The following KCNT2 variants were observed in gnomAD, a reference collection of about 807,000 sequenced individuals.
The protein encoded by KCNT2 is potassium sodium-activated channel subfamily T member 2, also known as potassium channel subfamily T member 2.
In KCNT2, 67 loss-of-function variants were observed where a neutral mutation model predicts 153.8. The ratio of observed to expected loss-of-function variants is 0.44; its 90% CI spans 0.36 to 0.53. The LOEUF (loss-of-function observed/expected upper bound fraction) is 0.53. Ranked by LOEUF, KCNT2 falls within the 20% of genes least tolerant of loss-of-function variation. The probability of loss-of-function intolerance (pLI) is 0.00; values close to 1 mark genes in which losing one functional copy is unlikely to be tolerated. For synonymous variants in KCNT2, 500 were observed against 458.8 expected (o/e 1.09, Z -1.15); for missense variants, 975 against 1,354.8 (o/e 0.72, Z 4.40).
intron 1 of KCNT2, among the ~76,000 whole-genome samples, chr1:196,578,554 C>A (rs1259444387): frequency 6.6e-6 from 1 of 152,130 alleles, no homozygotes; most frequent in Middle Eastern, 3.2e-3. Context: ...GGAGTTGGCA[C>A]TTCCGCTTAT....
intron 5 of KCNT2, among the ~76,000 whole-genome samples, chr1:196,469,347 G>C (rs1677886141): frequency 6.6e-6 from 1 of 152,034 alleles, no homozygotes; most frequent in South Asian, 2.1e-4. Flanking sequence ...TGGAAGAAAA[G>C]TACTAGTAAA....
chr1:196,347,423 C>T (rs564421974), intron 14 of KCNT2, among the ~76,000 whole-genome samples: 1 of 152,082 alleles, frequency 6.6e-6, no homozygotes, highest in Non-Finnish European at 1.5e-5. Flanking sequence ...ATTCTATCAC[C>T]CAGGTGTGAT....
chr1:196,587,841 C>T (rs1257048613), intron 1 of KCNT2, among the ~76,000 whole-genome samples: 2 of 151,910 alleles, frequency 1.3e-5, no homozygotes, highest in Non-Finnish European at 2.9e-5. Context: ...AAATAAAAGT[C>T]CACTGCAAAA....
rs950538684 is a variant in KCNT2 at position 196,422,997 on chromosome 1, A to T, written c.1185+53T>A. The T allele has an allele frequency of 2.5e-6, 3 of 1,217,944 alleles. No homozygotes were observed. The African/African-American group carries it at 4.7e-5, about 19-fold the overall frequency. The allele number at this position is 1,217,944 out of a possible 1,614,324, so 75.4% of individuals were successfully genotyped here. On this transcript the variant is annotated intron_variant, in intron 12 of 27. Coordinates refer to ENST00000294725, the MANE Select transcript of KCNT2 (RefSeq NM_198503.5). ...AATTTTTAAAAACTCAAATTAAAAAAAATCTTCTAAAATGGAAAGCACAAC... is the reference window on the plus strand; with the variant it reads ...AATTTTTAAAAACTCAAATTAAAAATAATCTTCTAAAATGGAAAGCACAAC...
chr1:196,428,387 C>T, intron 9 of KCNT2, 118 bp from the exon 10 acceptor site: 1 of 696,846 alleles, frequency 1.4e-6, no homozygotes, highest in Non-Finnish European at 2.4e-6. Flanking sequence ...CATTGAGATT[C>T]TAATTGTCAG....
intron 12 of KCNT2, among the ~76,000 whole-genome samples, chr1:196,400,813 A>G (rs1048330936): frequency 8.6e-5 from 13 of 151,788 alleles, no homozygotes; most frequent in African/African-American, 3.1e-4. Flanking sequence ...ACAAGCATAC[A>G]AAGGCCCTAG....
At chr1:196,228,753 T>G (rs1296093758) in intron 27 of KCNT2, among the ~76,000 whole-genome samples, 1 of 152,142 alleles carries the variant, frequency 6.6e-6, no homozygotes, top group Non-Finnish European at 1.5e-5. Context: ...TTAGCCATCA[T>G]TCTTCCATTA....
chr1:196,384,330 A>G (rs1669764642), intron 13 of KCNT2, among the ~76,000 whole-genome samples: 1 of 151,912 alleles, frequency 6.6e-6, no homozygotes, highest in Admixed American at 6.6e-5. Flanking sequence ...GCCCACCCAT[A>G]CTCTTCCCTT....
At chr1:196,541,622 A>T (rs1656384347) in intron 1 of KCNT2, among the ~76,000 whole-genome samples, 1 of 152,150 alleles carries the variant, frequency 6.6e-6, no homozygotes, top group African/African-American at 2.4e-5. Flanking sequence ...TAAGATATTT[A>T]CTATCTGGCA....
At chr1:196,379,983 A>T (rs1669337743) in intron 13 of KCNT2, among the ~76,000 whole-genome samples, 1 of 152,240 alleles carries the variant, frequency 6.6e-6, no homozygotes, top group Non-Finnish European at 1.5e-5. Context: ...GATTTCAATA[A>T]ACTATCTTGA....
intron 1 of KCNT2, among the ~76,000 whole-genome samples, chr1:196,526,181 G>A (rs1654173597): frequency 6.6e-6 from 1 of 151,048 alleles, no homozygotes; most frequent in Non-Finnish European, 1.5e-5. Flanking sequence ...AGGGTCTTAA[G>A]GCTCAGTGTG....
chr1:196,524,558 G>C (rs545343894), intron 1 of KCNT2, among the ~76,000 whole-genome samples: 254 of 152,046 alleles, frequency 1.7e-3, no homozygotes, highest in Non-Finnish European at 2.6e-3. Flanking sequence ...ACATCATGCT[G>C]TATCATTTAA....
chr1:196,508,190 A>AAAAAAAAAAAAAAAAAAAAAAAT (rs1491343181), intron 1 of KCNT2, among the ~76,000 whole-genome samples: 1 of 6,902 alleles, frequency 1.4e-4, no homozygotes. Flanking sequence ...CCTAAGTAGC[A>AAAAAAAAAAAAAAAAAAAAAAAT]AAAAAAAAAA....
chr1:196,392,940 A>T (rs1297923718), intron 13 of KCNT2, among the ~76,000 whole-genome samples: 2 of 151,330 alleles, frequency 1.3e-5, no homozygotes, highest in African/African-American at 4.8e-5. Flanking sequence ...ACTAACTCCT[A>T]CTGTTCTGGT....
At chr1:196,534,282 G>T (rs912950939) in intron 1 of KCNT2, among the ~76,000 whole-genome samples, 2 of 152,042 alleles carry the variant, frequency 1.3e-5, no homozygotes, top group African/African-American at 4.8e-5. Flanking sequence ...TAGCAGTATT[G>T]TTCCATGGAG....
intron 13 of KCNT2, among the ~76,000 whole-genome samples, chr1:196,398,294 T>C (rs969365287): frequency 1.3e-5 from 2 of 151,516 alleles, no homozygotes; most frequent in African/African-American, 4.8e-5. Context: ...CTACTGCTAA[T>C]ATATTTAGGC....
chr1:196,272,468 G>A (rs962545111), intron 25 of KCNT2, among the ~76,000 whole-genome samples: 1 of 151,768 alleles, frequency 6.6e-6, no homozygotes, highest in Non-Finnish European at 1.5e-5. Flanking sequence ...TACTTACCTG[G>A]ATGCATTTGG....
At chr1:196,598,171 C>G (rs769908898) in intron 1 of KCNT2, among the ~76,000 whole-genome samples, 1 of 152,084 alleles carries the variant, frequency 6.6e-6, no homozygotes, top group South Asian at 2.1e-4. Context: ...AGTAAGTTAA[C>G]TATTTGATCT....
At chr1:196,351,114 G>A (rs537146722) in intron 14 of KCNT2, among the ~76,000 whole-genome samples, 4 of 152,064 alleles carry the variant, frequency 2.6e-5, no homozygotes, top group African/African-American at 4.8e-5. Flanking sequence ...TAGCCTTGTC[G>A]TATAGTTTGA....
Sources: allele counts gnomAD v4.1 joint callset (sites outside exome capture counted in the v4.1 genomes callset), GRCh38; gene constraint gnomAD v4.1.1; transcripts MANE v1.5; gene names NCBI Gene and HGNC (gene_info 2026-07-23, HGNC 2026-07-21).